The following DOP1A variants were observed in gnomAD, a reference collection of about 807,000 sequenced individuals.
The protein encoded by DOP1A is protein DOP1A.
In DOP1A, 90 loss-of-function variants were observed where a neutral mutation model predicts 267.6. That is an observed-to-expected ratio of 0.34 (90% confidence interval 0.28 to 0.40). The LOEUF (loss-of-function observed/expected upper bound fraction) is 0.40. DOP1A is among the 10% of genes least tolerant of loss of function. DOP1A has a pLI of 1.00. For synonymous variants in DOP1A, 932 were observed against 999.1 expected, an observed-to-expected ratio of 0.93 and a Z score of 1.27; for missense variants, 2,437 against 2,900.4, an observed-to-expected ratio of 0.84 and a Z score of 3.67.
Position 83,132,342 on chromosome 6 carries a change from T to C in DOP1A, c.2769+14T>C, listed in dbSNP as rs754172150. 28 of 1,592,676 alleles carry C rather than the reference T, an allele frequency of 1.8e-5. No individual in the cohort carries two copies. The highest frequency in any genetic ancestry group is 2.4e-5 in the Non-Finnish European group (28 of 1,164,188). On this transcript the variant is annotated intron_variant, in intron 18 of 38. Coordinates refer to ENST00000349129, the MANE Select transcript of DOP1A (RefSeq NM_015018.4). ...CATAAAGATAAGGTAAATCCTCTTA[T>C]CTTGTGCACACCGCCCCCTCCGCCA... is the stretch of plus-strand genomic sequence containing the variant.
chr6:83,158,387 T>C (rs1783345740), intron 35 of DOP1A, among the ~76,000 whole-genome samples, 180 bp from the exon 36 acceptor site: 1 of 152,174 alleles, frequency 6.6e-6, no homozygotes, highest in Admixed American at 6.5e-5. Context: ...CACCAAATGA[T>C]TAGCAAGGCT....
chr6:83,103,490 T>A (rs185327743), intron 4 of DOP1A, among the ~76,000 whole-genome samples: 20 of 152,306 alleles, frequency 1.3e-4, no homozygotes, highest in South Asian at 8.3e-4. Flanking sequence ...ATTAAAAAAA[T>A]TTTTTAATCT....
At position 83,094,020 on chromosome 6, in the gene DOP1A, AAGAAACCCTAT is replaced by A. The variant is rs554949935; in HGVS notation, c.-146-2709_-146-2699del. Among the ~76,000 whole-genome samples, 456 of 152,276 alleles carry A rather than the reference AAGAAACCCTAT, an allele frequency of 3.0e-3. 5 individuals carry two copies. Among genetic ancestry groups the A allele is most frequent in the South Asian group, 0.013 (64 of 4,822 alleles). ...TTTAAAACATTTTTGTCACCCCAAA[AAGAAACCCTAT>A]ATTCATTTTGAGTTCATTGTCCATT... On this transcript the variant is annotated intron_variant, in intron 1 of 38. Coordinates refer to ENST00000349129, the MANE Select transcript of DOP1A (RefSeq NM_015018.4).
chr6:83,132,225 A>C lies in DOP1A; in HGVS notation c.2666A>C (p.His889Pro). The C allele has an allele frequency of 6.2e-7, 1 of 1,613,494 alleles. No individual in the cohort carries two copies. The highest frequency in any genetic ancestry group is 1.1e-5 in the South Asian group (1 of 91,008). Residue 889 changes from histidine to proline, a missense_variant, in exon 18 of 39, where the codon CAT (histidine) becomes CCT (proline). By Grantham distance (77) the His-to-Pro change is moderately conservative. Around this residue, in one of 9 missense-constraint regions of DOP1A, gnomAD observed 878 missense variants for 992.9 expected, o/e 0.88. Coordinates refer to ENST00000349129, the MANE Select transcript of DOP1A (RefSeq NM_015018.4). ...CAGTTGGGAGATGGGACACCTCAGC[A>C]TCACCAGAAGAGTGTGGAACTATTT... Reference protein sequence around the residue: ...WDQLGDGTPQHHQKSVELFYQ... With the variant: ...WDQLGDGTPQPHQKSVELFYQ...
At chr6:83,076,739 A>G (rs1382100390) in intron 1 of DOP1A, among the ~76,000 whole-genome samples, 1 of 152,092 alleles carries the variant, frequency 6.6e-6, no homozygotes, top group Non-Finnish European at 1.5e-5. Context: ...TTAAAAAATT[A>G]CTCTCTAAAT....
chr6:83,170,569 C>G, downstream of DOP1A: 1 of 971,286 alleles, frequency 1.0e-6, no homozygotes. Flanking sequence ...AAGTGCCAGA[C>G]TAAATATAAA....
chr6:83,139,962 C>T, intron 21 of DOP1A, 38 bp from the exon 22 acceptor site: 1 of 1,405,954 alleles, frequency 7.1e-7, no homozygotes, highest in African/African-American at 1.4e-5. Context: ...ACTATACTAT[C>T]ATAAAACTTG....
At chr6:83,099,708 G>GTGTGTGTGTA (rs1562294040) in intron 3 of DOP1A, among the ~76,000 whole-genome samples, 5 of 72,004 alleles carry the variant, frequency 6.9e-5, no homozygotes, top group African/African-American at 2.4e-4. Context: ...GTGTGTGTGT[G>GTGTGTGTGTA]TATATACATA....
intron 1 of DOP1A, among the ~76,000 whole-genome samples, chr6:83,086,246 A>T (rs1769212411): frequency 6.6e-6 from 1 of 152,232 alleles, no homozygotes; most frequent in Non-Finnish European, 1.5e-5. Context: ...ACACATTTGT[A>T]GGTTATATGT....
In DOP1A at chr6:83,157,307, A is replaced by G; in HGVS notation, c.6730A>G (p.Ile2244Val). ...TCTTACCTCACTCTGGCCTACCATG[A>G]TTACAGAACTTGTGAGTTAATTTTA... ...QHLTSLWPTM[I>V]TELVQVFLLM... The change falls in exon 35 of 39, where the codon ATT becomes GTT. Residue 2244 changes from isoleucine (I) to valine (V), a missense_variant. By Grantham distance (29) the Ile-to-Val change is conservative. Transcript: ENST00000349129. 6.2e-7 allele frequency: 1 copy of G among 1,613,338 alleles called. No homozygotes were observed. Among genetic ancestry groups the G allele is most frequent in the Non-Finnish European group, 8.5e-7 (1 of 1,179,752 alleles).
chr6:83,112,691 C>T (rs949409864), intron 6 of DOP1A, among the ~76,000 whole-genome samples: 1 of 152,156 alleles, frequency 6.6e-6, no homozygotes, highest in Non-Finnish European at 1.5e-5. Context: ...TCTCCAACTC[C>T]TGACCAAGTG....
chr6:83,116,789 C>T (rs928971480), intron 7 of DOP1A, among the ~76,000 whole-genome samples: 4 of 151,960 alleles, frequency 2.6e-5, no homozygotes, highest in African/African-American at 7.2e-5. Flanking sequence ...CCATCCTGGG[C>T]GACAGAGTGA....
intron 27 of DOP1A, among the ~76,000 whole-genome samples, chr6:83,149,841 G>A (rs2128319640): frequency 6.6e-6 from 1 of 152,286 alleles, no homozygotes; most frequent in Admixed American, 6.5e-5. Flanking sequence ...GCATTTGATT[G>A]TCCAGAACCA....
chr6:83,111,574 G>A (rs1774568198), intron 6 of DOP1A, among the ~76,000 whole-genome samples: 2 of 152,030 alleles, frequency 1.3e-5, no homozygotes, highest in Non-Finnish European at 2.9e-5. Context: ...CTCCCAGTGG[G>A]TATAAAGTAT....
intron 4 of DOP1A, among the ~76,000 whole-genome samples, chr6:83,107,320 A>G (rs1383798486): frequency 2.0e-5 from 3 of 152,176 alleles, no homozygotes; most frequent in Non-Finnish European, 4.4e-5. Flanking sequence ...CACATGGGAA[A>G]AAAGGTAGCC....
chr6:83,091,534 A>G (rs1770402163), intron 1 of DOP1A, among the ~76,000 whole-genome samples: 1 of 152,224 alleles, frequency 6.6e-6, no homozygotes, highest in Non-Finnish European at 1.5e-5. Context: ...CAAACTTTTT[A>G]GCTGTAGATG....
chr6:83,136,714 A>G (rs1428233110), intron 20 of DOP1A, among the ~76,000 whole-genome samples: 1 of 152,056 alleles, frequency 6.6e-6, no homozygotes, highest in Non-Finnish European at 1.5e-5. Flanking sequence ...GCTTATTGCC[A>G]GAATGTCTTT....
Position 83,132,272 on chromosome 6 carries a change from CCTT to C in DOP1A, c.2719_2721del (p.Ser908del), listed in dbSNP as rs746808587. The C allele has an allele frequency of 1.9e-6, 3 of 1,613,670 alleles. No individual in the cohort carries two copies. Among genetic ancestry groups the C allele is most frequent in the East Asian group, 2.2e-5 (1 of 44,866 alleles). On this transcript the variant is annotated inframe_deletion, in exon 18 of 39. Transcript: ENST00000349129. ...ATTTTATCAATTACATAACTTAGTT[CCTT>C]CTTCTAGCATCTGTGAGGATGTTAT...
At chr6:83,147,204 T>C (rs922134182) in intron 25 of DOP1A, 32 bp from the exon 26 acceptor site, 2 of 1,221,508 alleles carry the variant, frequency 1.6e-6, no homozygotes, top group Non-Finnish European at 2.3e-6. Flanking sequence ...AGTATTCTTC[T>C]TCACTACAAA....
Sources: gnomAD v4.1 joint callset for allele counts (sites outside exome capture counted in the v4.1 genomes callset) on GRCh38, gnomAD v4.1.1 for gene constraint, gnomAD v4.1.1 regional missense constraint, MANE v1.5 for transcripts, NCBI Gene and HGNC (gene_info 2026-07-23, HGNC 2026-07-21) for gene names.